The following DKK2 variants were observed in gnomAD, a reference collection of about 807,000 sequenced individuals.
DKK2 encodes dickkopf-related protein 2.
In DKK2, 11 loss-of-function variants were observed where a neutral mutation model predicts 28.1. That is an observed-to-expected ratio of 0.39 (90% confidence interval 0.25 to 0.65). The LOEUF (loss-of-function observed/expected upper bound fraction) is 0.65. Among genes scored for constraint, DKK2 ranks in the 30% least tolerant of loss-of-function variants. The pLI, the probability that DKK2 is intolerant of heterozygous loss-of-function variation, is 0.47. For synonymous variants in DKK2, 135 were observed against 126.5 expected (o/e 1.07, Z -0.45); for missense variants, 326 against 335.5 (o/e 0.97, Z 0.22).
chr4:106,943,457 T>C (rs1203322505), intron 1 of DKK2, among the ~76,000 whole-genome samples: 1 of 152,018 alleles, frequency 6.6e-6, no homozygotes, highest in Admixed American at 6.6e-5. Flanking sequence ...CATCAGGAAA[T>C]GGTAAAAAGG....
chr4:106,967,434 C>T (rs949027957), intron 1 of DKK2, among the ~76,000 whole-genome samples: 2 of 152,002 alleles, frequency 1.3e-5, no homozygotes, highest in Non-Finnish European at 2.9e-5. Flanking sequence ...AGTGAAAAGG[C>T]CTATGTCAAG....
At chr4:107,030,536 A>T (rs2110377988) in intron 1 of DKK2, among the ~76,000 whole-genome samples, 1 of 152,150 alleles carries the variant, frequency 6.6e-6, no homozygotes, top group African/African-American at 2.4e-5. Context: ...ACAATCAGAT[A>T]AATAACTAAA....
intron 1 of DKK2, among the ~76,000 whole-genome samples, chr4:107,035,033 C>T (rs377660816): frequency 5.9e-5 from 9 of 152,210 alleles, no homozygotes; most frequent in Admixed American, 4.6e-4. Flanking sequence ...AGGTTAAATG[C>T]TATTAACATC....
chr4:107,017,999 A>T (rs1723635217), intron 1 of DKK2, among the ~76,000 whole-genome samples: 1 of 152,042 alleles, frequency 6.6e-6, no homozygotes, highest in African/African-American at 2.4e-5. Flanking sequence ...TCTTAGAAGT[A>T]CCCAAAATTC....
chr4:107,028,621 T>G (rs1305670710), intron 1 of DKK2, among the ~76,000 whole-genome samples: 3 of 152,040 alleles, frequency 2.0e-5, no homozygotes, highest in African/African-American at 7.2e-5. Context: ...AACTAATCAG[T>G]GGTGAGTGGA....
intron 1 of DKK2, among the ~76,000 whole-genome samples, chr4:107,008,277 A>G (rs1723466215): frequency 6.6e-6 from 1 of 152,140 alleles, no homozygotes; most frequent in African/African-American, 2.4e-5. Flanking sequence ...CATGCTAGAC[A>G]TTGGGTGTAT....
chr4:106,961,574 C>CACAA (rs1214813363), intron 1 of DKK2, among the ~76,000 whole-genome samples: 45 of 151,678 alleles, frequency 3.0e-4, no homozygotes, highest in African/African-American at 9.7e-4. Flanking sequence ...TGCACACACA[C>CACAA]ACACACACAC....
intron 1 of DKK2, among the ~76,000 whole-genome samples, chr4:107,023,968 C>A (rs1302794351): frequency 2.0e-5 from 3 of 152,010 alleles, no homozygotes; most frequent in Non-Finnish European, 4.4e-5. Flanking sequence ...GCTTGTGTAA[C>A]AATATAATAA....
At chr4:106,936,139 A>C (rs951473248) in intron 1 of DKK2, among the ~76,000 whole-genome samples, 6 of 152,212 alleles carry the variant, frequency 3.9e-5, no homozygotes, top group African/African-American at 1.4e-4. Flanking sequence ...GAGCTGAGAG[A>C]AGAAGGCTTC....
At chr4:106,979,401 T>C (rs1389372680) in intron 1 of DKK2, among the ~76,000 whole-genome samples, 1 of 152,002 alleles carries the variant, frequency 6.6e-6, no homozygotes, top group African/African-American at 2.4e-5. Flanking sequence ...CTTCACATTA[T>C]TTCCATTCCC....
chr4:107,001,977 G>A (rs374264700), intron 1 of DKK2, among the ~76,000 whole-genome samples: 5 of 152,112 alleles, frequency 3.3e-5, no homozygotes, highest in Admixed American at 6.5e-5. Context: ...AGATAGACCC[G>A]GAAAACTCAC....
At position 106,994,920 on chromosome 4, in the gene DKK2, T is replaced by C. The variant is rs75032913; in HGVS notation, c.222+40450A>G. Among the ~76,000 whole-genome samples, 798 of 152,312 alleles carry C rather than the reference T, an allele frequency of 5.2e-3. 2 individuals carry two copies. The highest frequency in any genetic ancestry group is 0.016 in the African/African-American group (652 of 41,574). The stretch of plus-strand genomic sequence containing the variant: ...GTTCTAGGGAGATGGGGGTACTCAT[T>C]TGATCATTCAATTTTCTATTAAAAT... On this transcript the variant is annotated intron_variant, in intron 1 of 3. Coordinates refer to ENST00000285311, the MANE Select transcript of DKK2 (RefSeq NM_014421.3).
chr4:106,923,686 T>C lies in DKK2; in HGVS notation c.*268A>G. 2.4e-6 allele frequency: 1 copy of C among 411,018 alleles called. No homozygotes were observed. Among genetic ancestry groups the C allele is most frequent in the Non-Finnish European group, 4.4e-6 (1 of 225,488 alleles). The allele number at this position is 411,018 out of a possible 1,614,324, so 25.5% of individuals were successfully genotyped here. A position where few individuals can be genotyped will look rare whatever the true frequency, so the allele number is the denominator to read the frequency against. On this transcript the variant is annotated 3_prime_UTR_variant, in exon 4 of 4. Coordinates refer to ENST00000285311, the MANE Select transcript of DKK2 (RefSeq NM_014421.3). ...TCATCAGTAATTTCCACTGTGTGCT[T>C]GTTCTCTTAATAATAGCATTTTCCA...
At chr4:106,963,006 G>A (rs1367326878) in intron 1 of DKK2, among the ~76,000 whole-genome samples, 2 of 152,088 alleles carry the variant, frequency 1.3e-5, no homozygotes, top group African/African-American at 4.8e-5. Flanking sequence ...GGTGCAGTGA[G>A]CCAAGATCAA....
chr4:107,033,657 C>T (rs1244642513), intron 1 of DKK2, among the ~76,000 whole-genome samples: 1 of 152,148 alleles, frequency 6.6e-6, no homozygotes, highest in African/African-American at 2.4e-5. Flanking sequence ...AAAGGAACCT[C>T]AGGACTATTG....
chr4:106,986,195 C>T (rs1293473870), intron 1 of DKK2, among the ~76,000 whole-genome samples: 1 of 152,192 alleles, frequency 6.6e-6, no homozygotes, highest in Non-Finnish European at 1.5e-5. Context: ...TATTTTGACG[C>T]TAAATGGCCA....
chr4:107,011,644 T>A (rs375940073), intron 1 of DKK2, among the ~76,000 whole-genome samples: 24 of 151,474 alleles, frequency 1.6e-4, no homozygotes, highest in African/African-American at 5.1e-4. Flanking sequence ...CATTTGCTGC[T>A]TCATCATGGA....
intron 1 of DKK2, among the ~76,000 whole-genome samples, chr4:106,934,124 A>G (rs947628280): frequency 1.3e-5 from 2 of 152,062 alleles, no homozygotes; most frequent in African/African-American, 4.8e-5. Flanking sequence ...TATCTCAGGA[A>G]ATATGCCCAG....
chr4:106,937,412 G>C (rs577485707), intron 1 of DKK2, among the ~76,000 whole-genome samples: 3,307 of 130,988 alleles, frequency 0.025, 38 homozygotes, highest in Non-Finnish European at 0.037. Flanking sequence ...AACAAGAAGA[G>C]CTAACTATCC....
Sources: allele counts gnomAD v4.1 joint callset (sites outside exome capture counted in the v4.1 genomes callset), GRCh38; gene constraint gnomAD v4.1.1; transcripts MANE v1.5; gene names NCBI Gene and HGNC (gene_info 2026-07-23, HGNC 2026-07-21).